Variants in CRADD observed in about 807,000 individuals in gnomAD.
CRADD encodes death domain-containing protein CRADD.
In CRADD, 9 loss-of-function variants were observed where a neutral mutation model predicts 15.5. The observed-to-expected ratio is 0.58, with a 90% CI of 0.35 to 1.01. The LOEUF (loss-of-function observed/expected upper bound fraction) is 1.01, where lower values mean the gene tolerates loss of function less well. Ranked by LOEUF, CRADD falls within the 50% of genes least tolerant of loss-of-function variation. CRADD has a pLI of 0.02. For synonymous variants in CRADD, 118 were observed against 107.6 expected, an observed-to-expected ratio of 1.10 and a Z score of -0.60; for missense variants, 227 against 250.3, an observed-to-expected ratio of 0.91 and a Z score of 0.63.
intron 2 of CRADD, among the ~76,000 whole-genome samples, chr12:93,701,890 C>G (rs1413474392): frequency 6.6e-6 from 1 of 152,038 alleles, no homozygotes; most frequent in Non-Finnish European, 1.5e-5. Context: ...TTCTCAAAAT[C>G]TTATCTATTC....
At chr12:93,786,701 C>T (rs1592989463) in intron 2 of CRADD, among the ~76,000 whole-genome samples, 1 of 152,164 alleles carries the variant, frequency 6.6e-6, no homozygotes, top group Non-Finnish European at 1.5e-5. Context: ...CCAAATAGAT[C>T]TGTCAGTTAC....
At chr12:93,866,937 A>G (rs1449974149) in intron 2 of CRADD, among the ~76,000 whole-genome samples, 1 of 152,140 alleles carries the variant, frequency 6.6e-6, no homozygotes, top group Non-Finnish European at 1.5e-5. Context: ...CACACTTCAG[A>G]GACCTTCTGT....
intron 2 of CRADD, among the ~76,000 whole-genome samples, chr12:93,877,150 G>C (rs115422628): frequency 1.3e-5 from 2 of 152,150 alleles, no homozygotes; most frequent in South Asian, 4.1e-4. Flanking sequence ...TTCTCTTCCC[G>C]TACTTAACCA....
chr12:93,859,025 G>A (rs1290411152), intron 2 of CRADD, among the ~76,000 whole-genome samples: 1 of 152,128 alleles, frequency 6.6e-6, no homozygotes, highest in African/African-American at 2.4e-5. Context: ...CGTTCTGAAG[G>A]CTCACCTGTC....
chr12:93,797,807 G>A (rs12824373), intron 2 of CRADD, among the ~76,000 whole-genome samples: 35,279 of 152,028 alleles, frequency 0.23, 4,638 homozygotes, highest in East Asian at 0.54. Flanking sequence ...AAGACAAAAG[G>A]ACACATTCAG....
At chr12:93,747,209 T>TG (rs2136935059) in intron 2 of CRADD, among the ~76,000 whole-genome samples, 1 of 152,286 alleles carries the variant, frequency 6.6e-6, no homozygotes, top group African/African-American at 2.4e-5. Context: ...ATTGCTGTAT[T>TG]GCGGCCCTGT....
At chr12:93,716,696 C>T (rs904313701) in intron 2 of CRADD, among the ~76,000 whole-genome samples, 5 of 152,186 alleles carry the variant, frequency 3.3e-5, no homozygotes, top group African/African-American at 1.2e-4. Flanking sequence ...CATGTTTTTT[C>T]ATGACTTAAT....
At chr12:93,864,077 T>A (rs1593051696) in intron 2 of CRADD, among the ~76,000 whole-genome samples, 1 of 152,306 alleles carries the variant, frequency 6.6e-6, no homozygotes, top group South Asian at 2.1e-4. Flanking sequence ...TATTTACTGT[T>A]ATATAGAGAC....
intron 2 of CRADD, among the ~76,000 whole-genome samples, chr12:93,863,612 G>C (rs560683270): frequency 6.9e-6 from 1 of 144,732 alleles, no homozygotes; most frequent in Non-Finnish European, 1.5e-5. Context: ...GTGTGTGTGT[G>C]TGTGTGTGTG....
At chr12:93,814,885 G>C (rs1357534320) in intron 2 of CRADD, among the ~76,000 whole-genome samples, 2 of 152,184 alleles carry the variant, frequency 1.3e-5, no homozygotes. Flanking sequence ...ACCATTCCTA[G>C]ATCTAATATC....
intron 2 of CRADD, among the ~76,000 whole-genome samples, chr12:93,826,494 T>G (rs115997277): frequency 6.6e-6 from 1 of 152,318 alleles, no homozygotes; most frequent in African/African-American, 2.4e-5. Context: ...GTTTTAAACG[T>G]TTAATACTTT....
chr12:93,849,668 G>A (rs1186554426), intron 2 of CRADD, among the ~76,000 whole-genome samples: 1 of 151,438 alleles, frequency 6.6e-6, no homozygotes, highest in Non-Finnish European at 1.5e-5. Flanking sequence ...TTCAACCCAG[G>A]AGGTGGAGTT....
intron 2 of CRADD, among the ~76,000 whole-genome samples, chr12:93,863,694 T>A (rs542599999): frequency 1.3e-5 from 2 of 150,920 alleles, no homozygotes; most frequent in South Asian, 4.2e-4. Flanking sequence ...TACTGCCATG[T>A]GATGGGCAGG....
intron 2 of CRADD, among the ~76,000 whole-genome samples, chr12:93,760,388 G>A (rs769254059): frequency 1.3e-5 from 2 of 152,078 alleles, no homozygotes; most frequent in Non-Finnish European, 2.9e-5. Context: ...AAATCCAGAA[G>A]GCTTATTATT....
At chr12:93,773,819 T>G (rs924890640) in intron 2 of CRADD, among the ~76,000 whole-genome samples, 1 of 142,676 alleles carries the variant, frequency 7.0e-6, no homozygotes, top group African/African-American at 2.6e-5. Flanking sequence ...GTGAGTTTTT[T>G]TTTTTTTTTT....
chr12:93,831,442 C>T (rs2137030135), intron 2 of CRADD: 1 of 152,300 alleles, frequency 6.6e-6, no homozygotes. Context: ...AAAAACATAT[C>T]AAGAATCACA....
chr12:93,887,246 A>G (rs1958544014), intron 2 of CRADD, among the ~76,000 whole-genome samples: 1 of 152,224 alleles, frequency 6.6e-6, no homozygotes, highest in South Asian at 2.1e-4. Flanking sequence ...GGGAGATCAA[A>G]ACGATGATTA....
At chr12:93,883,659 AAAAC>A (rs1239929703) in intron 2 of CRADD, among the ~76,000 whole-genome samples, 4 of 152,030 alleles carry the variant, frequency 2.6e-5, no homozygotes, top group Non-Finnish European at 1.5e-5. Context: ...CTCTAAAACA[AAAAC>A]AAAACAAAAA....
At chr12:93,850,766 T>TG (rs761019406), downstream of CRADD, 105 of 981,428 alleles carry the variant, frequency 1.1e-4, no homozygotes, top group African/African-American at 1.4e-4. The surrounding 1 kb of genome is among the most constrained non-coding windows in gnomAD (Gnocchi z 4.0). Flanking sequence ...AGTACCGTGT[T>TG]GGGTTTTTTT....
Sources: gnomAD v4.1 joint callset for allele counts (sites outside exome capture counted in the v4.1 genomes callset) on GRCh38, gnomAD v4.1.1 for gene constraint, Gnocchi (gnomAD v3.1) non-coding constraint, MANE v1.5 for transcripts, NCBI Gene and HGNC (gene_info 2026-07-23, HGNC 2026-07-21) for gene names.